CD163L1: variants seen among roughly 807,000 people sequenced by gnomAD.
CD163L1 encodes scavenger receptor cysteine-rich type 1 protein M160.
Under a neutral mutation model 165.4 loss-of-function variants are expected in CD163L1, and 124 were observed. The ratio of observed to expected loss-of-function variants is 0.75; its 90% CI spans 0.65 to 0.87. The LOEUF (loss-of-function observed/expected upper bound fraction) is 0.87. Ranked by LOEUF, CD163L1 falls within the 40% of genes least tolerant of loss-of-function variation. CD163L1 has a pLI of 0.00. For synonymous variants in CD163L1, 585 were observed against 662.2 expected, an observed-to-expected ratio of 0.88 and a Z score of 1.79; for missense variants, 1,525 against 1,799.9, an observed-to-expected ratio of 0.85 and a Z score of 2.76.
At chr12:7,345,132 CTT>C (rs75576901), downstream of CD163L1, among the ~76,000 whole-genome samples, 83 of 138,764 alleles carry the variant, frequency 6.0e-4, no homozygotes, top group Non-Finnish European at 6.3e-4. Flanking sequence ...ACTGATAATG[CTT>C]TTTTTTTTTT....
chr12:7,329,218 A>G, the CD163L1 span, among the ~76,000 whole-genome samples: 1 of 148,998 alleles, frequency 6.7e-6, no homozygotes, highest in Non-Finnish European at 1.5e-5. Context: ...AGAGGCCAAA[A>G]GAAAGAAAAA....
intron 4 of CD163L1, among the ~76,000 whole-genome samples, chr12:7,418,625 A>T (rs1948290759): frequency 6.6e-6 from 1 of 152,052 alleles, no homozygotes; most frequent in Non-Finnish European, 1.5e-5. Context: ...AAAATTGATA[A>T]ACAATTAGTG....
chr12:7,421,705 A>G lies in CD163L1; in HGVS notation c.766+10711T>C, dbSNP rs1948440228. On this transcript the variant is annotated intron_variant, in intron 4 of 19. Coordinates refer to ENST00000313599, the MANE Select transcript of CD163L1 (RefSeq NM_174941.6). ...TGTACATATACATATATGTATGTGTACATAAATACATATACGTATATATGT... is the reference window on the plus strand; with the variant it reads ...TGTACATATACATATATGTATGTGTGCATAAATACATATACGTATATATGT... 2.1e-5 allele frequency among the ~76,000 whole-genome samples: 3 copies of G among 141,972 alleles called. No individual in the cohort carries two copies. In the Admixed American group the frequency reaches 2.2e-4, roughly 11 times the overall value. 93.1% of individuals were successfully genotyped at this position (141,972 alleles called of 152,430 possible).
At chr12:7,352,383 GA>G (rs2087963682), downstream of CD163L1, among the ~76,000 whole-genome samples, 1 of 152,054 alleles carries the variant, frequency 6.6e-6, no homozygotes, top group African/African-American at 2.4e-5. Context: ...AGTGGACTAG[GA>G]AGATATTAAC....
intron 8 of CD163L1, among the ~76,000 whole-genome samples, chr12:7,395,459 G>A (rs1947752916): frequency 2.0e-5 from 3 of 152,140 alleles, no homozygotes; most frequent in Admixed American, 2.0e-4. Context: ...TGGGGGACTG[G>A]GGGAGGGATA....
intron 8 of CD163L1, among the ~76,000 whole-genome samples, chr12:7,386,990 C>T (rs1187505657): frequency 6.6e-6 from 1 of 151,952 alleles, no homozygotes; most frequent in Non-Finnish European, 1.5e-5. Context: ...TCAGACAAGA[C>T]AAAGAAATAA....
At chr12:7,411,803 T>A (rs773215663) in intron 4 of CD163L1, among the ~76,000 whole-genome samples, 7 of 152,228 alleles carry the variant, frequency 4.6e-5, no homozygotes, top group Non-Finnish European at 1.0e-4. Flanking sequence ...AGAGCTGATT[T>A]ATCTCCAAAG....
intron 2 of CD163L1, chr12:7,439,384 T>C: frequency 1.9e-6 from 3 of 1,601,056 alleles, no homozygotes; most frequent in Non-Finnish European, 2.6e-6. Context: ...GCTTCAGAAA[T>C]TCTTTTCTTT....
chr12:7,319,161 A>C, the CD163L1 span, among the ~76,000 whole-genome samples: 1 of 152,222 alleles, frequency 6.6e-6, no homozygotes, highest in Non-Finnish European at 1.5e-5. Context: ...GTGACAGATC[A>C]TCAGGCATTA....
rs372747437 is a variant in CD163L1 at position 7,374,263 on chromosome 12, C to G, written c.3409+179G>C. Reference sequence around the variant, plus strand: ...TTCTCAGTTATGAATGATACCCAGACAAATGTAATATGACAAGGGTATTAA... The same window carrying G: ...TTCTCAGTTATGAATGATACCCAGAGAAATGTAATATGACAAGGGTATTAA... On this transcript the variant is annotated intron_variant, in intron 13 of 19. Coordinates refer to ENST00000313599, the MANE Select transcript of CD163L1 (RefSeq NM_174941.6). The surrounding 1 kb of genome is among the most constrained non-coding windows in gnomAD (Gnocchi z 5.4). Among the ~76,000 whole-genome samples, 113 of 152,238 alleles carry G rather than the reference C, an allele frequency of 7.4e-4. No individual in the cohort carries two copies. The highest frequency in any genetic ancestry group is 2.7e-3 in the African/African-American group (111 of 41,530).
chr12:7,438,804 G>A, intron 2 of CD163L1: 3 of 1,521,198 alleles, frequency 2.0e-6, no homozygotes, highest in African/African-American at 1.4e-5. Context: ...ATGGACCAGA[G>A]GCCTCTCTCT....
At chr12:7,403,111 T>C (rs1231543055) in intron 6 of CD163L1, among the ~76,000 whole-genome samples, 2 of 152,164 alleles carry the variant, frequency 1.3e-5, no homozygotes, top group African/African-American at 4.8e-5. Context: ...AATATATCTA[T>C]ATCAGCTATT....
At chr12:7,389,011 G>A (rs1947585388) in intron 8 of CD163L1, among the ~76,000 whole-genome samples, 2 of 152,114 alleles carry the variant, frequency 1.3e-5, no homozygotes, top group Admixed American at 1.3e-4. Context: ...ATCTGTTGAT[G>A]GACACTTAGA....
At chr12:7,371,512 T>C (rs1203998945) in intron 14 of CD163L1, among the ~76,000 whole-genome samples, 1 of 152,132 alleles carries the variant, frequency 6.6e-6, no homozygotes, top group African/African-American at 2.4e-5. Flanking sequence ...CTGCATAGTA[T>C]CATTCATATA....
At chr12:7,354,655 C>T (rs1010630532), downstream of CD163L1, among the ~76,000 whole-genome samples, 2 of 151,920 alleles carry the variant, frequency 1.3e-5, no homozygotes, top group Non-Finnish European at 2.9e-5. Context: ...AATTTTTTTC[C>T]CTCACAGTTT....
At chr12:7,437,696 A>G (rs1269558638) in intron 2 of CD163L1, among the ~76,000 whole-genome samples, 1 of 136,836 alleles carries the variant, frequency 7.3e-6, no homozygotes, top group Non-Finnish European at 1.6e-5. Context: ...TTGACACTGT[A>G]TATTTATTTG....
intron 5 of CD163L1, among the ~76,000 whole-genome samples, chr12:7,404,700 T>C (rs1947982373): frequency 6.6e-6 from 1 of 152,162 alleles, no homozygotes; most frequent in Non-Finnish European, 1.5e-5. Flanking sequence ...TAGTGAGAAA[T>C]CTGGTTCACA....
chr12:7,375,671 A>G, intron 10 of CD163L1, 29 bp downstream of exon 10: 1 of 1,612,308 alleles, frequency 6.2e-7, no homozygotes, highest in Non-Finnish European at 8.5e-7. Flanking sequence ...CTCTAGCCCC[A>G]GCCAATTAAG....
intron 8 of CD163L1, among the ~76,000 whole-genome samples, chr12:7,393,258 C>A (rs1411448548): frequency 6.6e-6 from 1 of 152,158 alleles, no homozygotes; most frequent in Non-Finnish European, 1.5e-5. Flanking sequence ...GGATGCCAGG[C>A]TGGTTCAACG....
Sources: gnomAD v4.1 joint callset for allele counts (sites outside exome capture counted in the v4.1 genomes callset) on GRCh38, gnomAD v4.1.1 for gene constraint, Gnocchi (gnomAD v3.1) non-coding constraint, MANE v1.5 for transcripts, NCBI Gene and HGNC (gene_info 2026-07-23, HGNC 2026-07-21) for gene names.